CLNK: variants seen among roughly 807,000 people sequenced by gnomAD.
The protein encoded by CLNK is cytokine dependent hematopoietic cell linker, also known as cytokine-dependent hematopoietic cell linker.
In CLNK, 74 loss-of-function variants were observed where a neutral mutation model predicts 68.6. The ratio of observed to expected loss-of-function variants is 1.08; its 90% CI spans 0.89 to 1.31. CLNK has a LOEUF of 1.31. CLNK is among the 50% of genes most tolerant of loss of function. The pLI is 0.00. For missense variants in CLNK, 553 were observed against 515.3 expected, an observed-to-expected ratio of 1.07 and a Z score of -0.71; for synonymous variants, 198 against 172.2, an observed-to-expected ratio of 1.15 and a Z score of -1.17.
At chr4:10,576,733 CA>C (rs1380141430) in intron 4 of CLNK, among the ~76,000 whole-genome samples, 1 of 152,222 alleles carries the variant, frequency 6.6e-6, no homozygotes, top group Non-Finnish European at 1.5e-5. Context: ...AGCCCCAGAG[CA>C]AACCAATTGA....
rs1367382943 is a variant in CLNK, at chr4:10,489,652, A to G, written c.*815T>C. ...AGGATTACAATAAAAGAGAGCTAAT[A>G]TTCACCAACCCAACACCTTTTTTTT... On this transcript the variant is annotated 3_prime_UTR_variant, in exon 19 of 19. Transcript: ENST00000226951. 7.0e-6 allele frequency: 1 copy of G among 143,804 alleles called. No individual in the cohort carries two copies. Among genetic ancestry groups the G allele is most frequent in the Non-Finnish European group, 1.5e-5 (1 of 64,982 alleles). 8.9% of individuals were successfully genotyped at this position (143,804 alleles called of 1,614,324 possible).
At chr4:10,673,614 A>T (rs756278680) in intron 1 of CLNK, among the ~76,000 whole-genome samples, 1 of 151,808 alleles carries the variant, frequency 6.6e-6, no homozygotes, top group Non-Finnish European at 1.5e-5. Flanking sequence ...TGGTAGTTGA[A>T]CAATGAGAAC....
At chr4:10,657,551 C>T (rs1724033206) in intron 2 of CLNK, among the ~76,000 whole-genome samples, 1 of 152,196 alleles carries the variant, frequency 6.6e-6, no homozygotes, top group South Asian at 2.1e-4. Flanking sequence ...GTTTCTTCAT[C>T]ATAAAACTCC....
At position 10,540,545 on chromosome 4, in the gene CLNK, C is replaced by T. The variant is rs765199111; in HGVS notation, c.551G>A (p.Arg184Lys). 5.6e-6 allele frequency: 9 copies of T among 1,613,902 alleles called. No individual in the cohort carries two copies. In the South Asian group the frequency reaches 8.8e-5, roughly 16 times the overall value. Residue 184 changes from arginine to lysine, a missense_variant, in exon 11 of 19, where the codon AGG becomes AAG. Coordinates refer to ENST00000226951, the MANE Select transcript of CLNK (RefSeq NM_052964.4). ...GGTGTGTCTCTGAGATAAAGGTGGCCTGCTGCTCTCCGGCTCAGGGGGCAA... is the reference window on the plus strand; with the variant it reads ...GGTGTGTCTCTGAGATAAAGGTGGCTTGCTGCTCTCCGGCTCAGGGGGCAA... ...QPLPPEPESS[R>K]PPLSQRHTFP...
intron 11 of CLNK, among the ~76,000 whole-genome samples, chr4:10,539,421 T>G (rs181762236): frequency 1.3e-5 from 2 of 152,324 alleles, no homozygotes; most frequent in East Asian, 3.9e-4. Flanking sequence ...CCTGAGTTTT[T>G]GTATCCATGA....
At chr4:10,647,437 T>C (rs916832586) in intron 2 of CLNK, among the ~76,000 whole-genome samples, 2 of 152,138 alleles carry the variant, frequency 1.3e-5, no homozygotes, top group Non-Finnish European at 2.9e-5. Flanking sequence ...GGATTTTGAG[T>C]TCTGCCAGCA....
chr4:10,549,435 C>T (rs1719361418), intron 8 of CLNK, among the ~76,000 whole-genome samples: 1 of 152,062 alleles, frequency 6.6e-6, no homozygotes, highest in Admixed American at 6.6e-5. Context: ...GGAGGGTGAG[C>T]TTTGGAACTG....
At chr4:10,524,005 C>A in intron 14 of CLNK, 1 of 251,662 alleles carries the variant, frequency 4.0e-6, no homozygotes. Context: ...AGAATAAAAC[C>A]CTGTCTCAAA....
intron 2 of CLNK, among the ~76,000 whole-genome samples, chr4:10,647,245 T>A (rs1283465184): frequency 6.6e-6 from 1 of 152,204 alleles, no homozygotes; most frequent in Admixed American, 6.5e-5. Flanking sequence ...ACCATTTCCC[T>A]CTGTGACTAT....
chr4:10,720,138 C>T, the CLNK span, among the ~76,000 whole-genome samples: 4 of 151,920 alleles, frequency 2.6e-5, no homozygotes, highest in Non-Finnish European at 5.9e-5. Flanking sequence ...GATCCTACTT[C>T]AAGAACCTAG....
intron 11 of CLNK, among the ~76,000 whole-genome samples, chr4:10,540,071 G>T (rs1718951766): frequency 6.6e-6 from 1 of 152,186 alleles, no homozygotes. Context: ...ATCTTTAATT[G>T]TAATCCCCAG....
rs188094605 is a variant in CLNK, at chr4:10,571,673, T to G, written c.150+68A>C. The stretch of plus-strand genomic sequence containing the variant: ...TTTTTAAACATTTTACCCAGTATCT[T>G]GAATCAAATTCACCTGCTTTGCAAT... On this transcript the variant is annotated intron_variant, in intron 5 of 18. Coordinates refer to ENST00000226951, the MANE Select transcript of CLNK (RefSeq NM_052964.4). The G allele has an allele frequency of 9.5e-6, 12 of 1,265,352 alleles. No homozygotes were observed. The East Asian group carries it at 2.6e-4, about 27-fold the overall frequency. The allele number at this position is 1,265,352 out of a possible 1,614,324, so 78.4% of individuals were successfully genotyped here.
At chr4:10,559,895 G>GGGTT (rs1400168915) in intron 7 of CLNK, among the ~76,000 whole-genome samples, 1 of 152,104 alleles carries the variant, frequency 6.6e-6, no homozygotes, top group Non-Finnish European at 1.5e-5. Context: ...TTGAGATTTG[G>GGGTT]GGTTGGAAAA....
intron 4 of CLNK, among the ~76,000 whole-genome samples, chr4:10,582,518 A>G (rs1380671519): frequency 6.6e-6 from 1 of 152,138 alleles, no homozygotes; most frequent in Non-Finnish European, 1.5e-5. Flanking sequence ...AAATAGGGCC[A>G]TCTTTTCCAG....
At chr4:10,701,279 G>A in the CLNK span, among the ~76,000 whole-genome samples, 16 of 152,284 alleles carry the variant, frequency 1.1e-4, no homozygotes, top group South Asian at 2.1e-4. Flanking sequence ...GAAATCTCCC[G>A]CTTAAAAGTA....
At chr4:10,672,004 A>G (rs1367770762) in intron 1 of CLNK, among the ~76,000 whole-genome samples, 1 of 152,146 alleles carries the variant, frequency 6.6e-6, no homozygotes. Context: ...TTAGGTCGTA[A>G]GTCAAATACT....
At position 10,600,400 on chromosome 4, in the gene CLNK, C is replaced by T. The variant is rs113339622; in HGVS notation, c.12-2351G>A. Among the ~76,000 whole-genome samples, 558 of 152,210 alleles carry T rather than the reference C, an allele frequency of 3.7e-3. 5 individuals carry two copies. Among genetic ancestry groups the T allele is most frequent in the African/African-American group, 0.012 (516 of 41,496 alleles). On this transcript the variant is annotated intron_variant, in intron 2 of 18. Transcript: ENST00000226951. ...ATTGGGTTTATTCCATACTAGGCAA[C>T]GCACTAGGTAATAGGGTATAGTAAT... is the stretch of plus-strand genomic sequence containing the variant.
chr4:10,500,661 C>T (rs533195006), intron 18 of CLNK, among the ~76,000 whole-genome samples: 12 of 132,178 alleles, frequency 9.1e-5, no homozygotes, highest in African/African-American at 3.7e-4. Context: ...TGACAGAGTG[C>T]GTCTCTGTCT....
At chr4:10,632,272 C>G (rs992021279) in intron 2 of CLNK, among the ~76,000 whole-genome samples, 3 of 152,224 alleles carry the variant, frequency 2.0e-5, no homozygotes, top group Non-Finnish European at 4.4e-5. Flanking sequence ...TCCAAACTAT[C>G]TTGAGTCTTT....
Sources: allele counts gnomAD v4.1 joint callset (sites outside exome capture counted in the v4.1 genomes callset), GRCh38; gene constraint gnomAD v4.1.1; transcripts MANE v1.5; gene names NCBI Gene and HGNC (gene_info 2026-07-23, HGNC 2026-07-21).